Variants in ZNF385D observed in about 807,000 individuals in gnomAD.
The protein encoded by ZNF385D is zinc finger protein 659.
ZNF385D carries 15 observed loss-of-function variants against 35.8 expected under a neutral mutation model. The ratio of observed to expected loss-of-function variants is 0.42; its 90% CI spans 0.28 to 0.64. The LOEUF (loss-of-function observed/expected upper bound fraction) is 0.64, where lower values mean the gene tolerates loss of function less well. Among genes scored for constraint, ZNF385D ranks in the 30% least tolerant of loss-of-function variants. The probability of loss-of-function intolerance (pLI) is 0.23; values close to 1 mark genes in which losing one functional copy is unlikely to be tolerated. For missense variants in ZNF385D, 474 were observed against 494.6 expected, an observed-to-expected ratio of 0.96 and a Z score of 0.39; for synonymous variants, 212 against 186.8, an observed-to-expected ratio of 1.13 and a Z score of -1.10.
intron 1 of ZNF385D, among the ~76,000 whole-genome samples, chr3:21,689,010 A>G (rs1402201592): frequency 1.3e-5 from 2 of 151,976 alleles, no homozygotes; most frequent in Non-Finnish European, 2.9e-5. Context: ...ACAAAGTAAG[A>G]TTACCTGAAT....
rs115381410 is a variant in ZNF385D, at chr3:21,821,153, T to C, written c.326-156125A>G. ...TTACATAAAATCTTACAGGTAAATG[T>C]TTCTAAGTTATTTTATGAGACAAGA... On this transcript the variant is annotated intron_variant, in intron 3 of 5. Transcript: ENST00000494108. Among the ~76,000 whole-genome samples, 527 of 152,144 alleles carry C rather than the reference T, an allele frequency of 3.5e-3. 5 individuals are homozygous for C. Among genetic ancestry groups the C allele is most frequent in the African/African-American group, 0.012 (493 of 41,528 alleles).
intron 3 of ZNF385D, among the ~76,000 whole-genome samples, chr3:21,867,625 G>T (rs1401190416): frequency 6.6e-6 from 1 of 151,912 alleles, no homozygotes; most frequent in Non-Finnish European, 1.5e-5. Context: ...TATAAATGTT[G>T]CCCTGGGAAT....
intron 3 of ZNF385D, among the ~76,000 whole-genome samples, chr3:22,088,322 C>T (rs758604309): frequency 2.7e-4 from 41 of 152,346 alleles, no homozygotes; most frequent in Middle Eastern, 3.4e-3. Context: ...TCCTTCCCAT[C>T]TTGCTCTTCA....
At chr3:21,874,366 T>C (rs1329916566) in intron 3 of ZNF385D, among the ~76,000 whole-genome samples, 1 of 152,032 alleles carries the variant, frequency 6.6e-6, no homozygotes. Flanking sequence ...GAATTTTTGT[T>C]ATTGAGTTGT....
intron 3 of ZNF385D, among the ~76,000 whole-genome samples, chr3:22,142,326 C>T (rs1007797419): frequency 1.3e-5 from 2 of 152,060 alleles, no homozygotes; most frequent in Non-Finnish European, 2.9e-5. Flanking sequence ...TCAAATTCAA[C>T]AATTGTTATT....
At chr3:21,423,482 G>T (rs1257785143) in intron 7 of ZNF385D, among the ~76,000 whole-genome samples, 1 of 152,132 alleles carries the variant, frequency 6.6e-6, no homozygotes, top group Non-Finnish European at 1.5e-5. Flanking sequence ...ATGTCAGGAG[G>T]TTTCACAGGA....
chr3:21,460,250 G>A (rs894131474), intron 4 of ZNF385D, among the ~76,000 whole-genome samples: 8 of 152,122 alleles, frequency 5.3e-5, no homozygotes, highest in South Asian at 4.1e-4. Flanking sequence ...TGGCCTGCAT[G>A]AATGACTAAC....
chr3:22,353,122 C>T (rs1695993080), intron 2 of ZNF385D, among the ~76,000 whole-genome samples: 1 of 152,198 alleles, frequency 6.6e-6, no homozygotes, highest in Admixed American at 6.5e-5. Flanking sequence ...CATCCTATTC[C>T]TTCCACCTCA....
chr3:21,502,296 A>G (rs967320617), intron 4 of ZNF385D, among the ~76,000 whole-genome samples: 1 of 152,138 alleles, frequency 6.6e-6, no homozygotes, highest in Non-Finnish European at 1.5e-5. Flanking sequence ...TCGAGGGTCC[A>G]TTTATTTTCC....
At chr3:22,358,682 G>C (rs1165642783) in intron 2 of ZNF385D, among the ~76,000 whole-genome samples, 1 of 151,664 alleles carries the variant, frequency 6.6e-6, no homozygotes, top group Non-Finnish European at 1.5e-5. Flanking sequence ...AGATGTGCTT[G>C]CCTAATGGTC....
At chr3:21,478,808 C>G (rs76157636) in intron 4 of ZNF385D, among the ~76,000 whole-genome samples, 2,792 of 152,136 alleles carry the variant, frequency 0.018, 51 homozygotes, top group Non-Finnish European at 0.031. Context: ...CCCAGTAACA[C>G]AGAAAATAGA....
At chr3:22,065,616 A>C (rs1699904036) in intron 3 of ZNF385D, among the ~76,000 whole-genome samples, 1 of 152,166 alleles carries the variant, frequency 6.6e-6, no homozygotes, top group Non-Finnish European at 1.5e-5. Context: ...TGAGGAAAGG[A>C]CTGAGTGTGT....
At chr3:22,303,879 G>C (rs1703057942) in intron 2 of ZNF385D, among the ~76,000 whole-genome samples, 1 of 152,048 alleles carries the variant, frequency 6.6e-6, no homozygotes, top group Admixed American at 6.6e-5. Flanking sequence ...CGAGGTTCAA[G>C]CGATTCTTCT....
chr3:21,929,448 C>A (rs1299641030), intron 3 of ZNF385D, among the ~76,000 whole-genome samples: 1 of 152,094 alleles, frequency 6.6e-6, no homozygotes, highest in East Asian at 1.9e-4. Flanking sequence ...TTATTATTTA[C>A]TGGAGATTCA....
At chr3:21,756,151 G>A (rs7616111), upstream of ZNF385D, among the ~76,000 whole-genome samples, 2 of 152,094 alleles carry the variant, frequency 1.3e-5, no homozygotes, top group African/African-American at 4.8e-5. Context: ...GTAAGGTGAC[G>A]GGTTAGGAAG....
chr3:22,206,307 G>C (rs989766694), intron 2 of ZNF385D, among the ~76,000 whole-genome samples: 1 of 151,894 alleles, frequency 6.6e-6, no homozygotes, highest in Non-Finnish European at 1.5e-5. Flanking sequence ...TAAAGAGAGA[G>C]ATAGACCCTA....
chr3:22,189,205 C>A (rs1218321683), intron 2 of ZNF385D, among the ~76,000 whole-genome samples: 1 of 152,130 alleles, frequency 6.6e-6, no homozygotes, highest in Non-Finnish European at 1.5e-5. Context: ...TGTTTCTCAA[C>A]TGGGATTCTG....
chr3:22,219,757 A>G (rs1292073069), intron 2 of ZNF385D, among the ~76,000 whole-genome samples: 1 of 152,166 alleles, frequency 6.6e-6, no homozygotes, highest in Non-Finnish European at 1.5e-5. Flanking sequence ...ACTAAATGGA[A>G]TGAATAAAGA....
intron 3 of ZNF385D, among the ~76,000 whole-genome samples, chr3:21,756,220 T>A (rs1476829093): frequency 6.6e-6 from 1 of 151,972 alleles, no homozygotes; most frequent in Non-Finnish European, 1.5e-5. Context: ...ACAGTGGCGG[T>A]AGAAAAAGTG....
Sources: allele counts gnomAD v4.1 joint callset (sites outside exome capture counted in the v4.1 genomes callset), GRCh38; gene constraint gnomAD v4.1.1; transcripts MANE v1.5; gene names NCBI Gene and HGNC (gene_info 2026-07-23, HGNC 2026-07-21).